Variants in DSC2 observed in about 807,000 individuals in gnomAD.
DSC2 encodes the protein desmocollin 2.
DSC2 carries 51 observed loss-of-function variants against 87.6 expected under a neutral mutation model. The observed-to-expected ratio is 0.58, with a 90% confidence interval of 0.46 to 0.74. DSC2 has a LOEUF of 0.74. Ranked by LOEUF, DSC2 falls within the 30% of genes least tolerant of loss-of-function variation. The pLI, the probability that DSC2 is intolerant of heterozygous loss-of-function variation, is 0.00. For synonymous variants in DSC2, 383 were observed against 393.2 expected (o/e 0.97, Z 0.31); for missense variants, 1,066 against 1,089.5 (o/e 0.98, Z 0.30).
At chr18:31,074,609 T>C in intron 12 of DSC2, 74 bp downstream of exon 12, 3 of 1,402,260 alleles carry the variant, frequency 2.1e-6, no homozygotes, top group East Asian at 2.5e-5. Flanking sequence ...TTTCTCCTAT[T>C]TCATACAAAA....
intron 1 of DSC2, 136 bp from the exon 2 acceptor site, chr18:31,093,779 TA>T: frequency 4.4e-6 from 1 of 228,544 alleles, no homozygotes; most frequent in Non-Finnish European, 7.7e-6. Context: ...ATGTTAATTA[TA>T]TTACATATTG....
chr18:31,076,282 A>G (rs1255656770), intron 11 of DSC2, among the ~76,000 whole-genome samples: 1 of 152,116 alleles, frequency 6.6e-6, no homozygotes, highest in African/African-American at 2.4e-5. Flanking sequence ...CAAGTTAAGA[A>G]CTGGTTCTAA....
At position 31,059,911 on chromosome 18, in the gene DSC2, G is replaced by A. The variant is rs994564199; in HGVS notation, c.*8104C>T. The A allele has an allele frequency of 1.3e-5, 2 of 152,158 alleles. No individual in the cohort carries two copies. The highest frequency in any genetic ancestry group is 1.3e-4 in the Admixed American group (2 of 15,264). 9.4% of individuals were successfully genotyped at this position (152,158 alleles called of 1,614,324 possible). A position where few individuals can be genotyped will look rare whatever the true frequency, so the allele number is the denominator to read the frequency against. On this transcript the variant is annotated 3_prime_UTR_variant, in exon 16 of 16. Coordinates refer to ENST00000280904, the MANE Select transcript of DSC2 (RefSeq NM_024422.6). ...GATATACTGATGAGCCAAGCAGTAA[G>A]CTAGGATCTTTATGTGAATTATATA... is the stretch of plus-strand genomic sequence containing the variant.
chr18:31,071,538 AC>A, intron 13 of DSC2, 66 bp downstream of exon 13: 2 of 1,497,444 alleles, frequency 1.3e-6, no homozygotes, highest in East Asian at 4.5e-5. Context: ...GTCTCAAAAA[AC>A]AAAAAGTGTC....
chr18:31,097,271 G>C (rs1210839049), intron 1 of DSC2, among the ~76,000 whole-genome samples: 1 of 149,128 alleles, frequency 6.7e-6, no homozygotes, highest in Non-Finnish European at 1.5e-5. Flanking sequence ...CTGGGCGACA[G>C]AGCGAGACTC....
At chr18:31,082,868 A>C in intron 8 of DSC2, 58 bp downstream of exon 8, 1 of 1,585,826 alleles carries the variant, frequency 6.3e-7, no homozygotes, top group Non-Finnish European at 8.6e-7. Flanking sequence ...AGAGATGTGC[A>C]TATTAAACAA....
At position 31,080,083 on chromosome 18, in the gene DSC2, G is replaced by C. The variant is rs1330424938; in HGVS notation, c.1520+13C>G. 6.2e-7 allele frequency: 1 copy of C among 1,613,586 alleles called. No individual in the cohort carries two copies. Among genetic ancestry groups the C allele is most frequent in the South Asian group, 1.1e-5 (1 of 91,044 alleles). On this transcript the variant is annotated intron_variant, in intron 10 of 15. Coordinates refer to ENST00000280904, the MANE Select transcript of DSC2 (RefSeq NM_024422.6). ...AGCTATATATTTTAAAACTAAAATA[G>C]AATGGTAAGTACCTTATGCCACTGC...
At chr18:31,085,038 A>G (rs1176893208) in intron 7 of DSC2, among the ~76,000 whole-genome samples, 1 of 152,104 alleles carries the variant, frequency 6.6e-6, no homozygotes, top group African/African-American at 2.4e-5. Flanking sequence ...TTTTAACGTA[A>G]TAAAGTACAA....
At chr18:31,074,625 A>G (rs975764242) in intron 12 of DSC2, 58 bp downstream of exon 12, 1 of 1,498,172 alleles carries the variant, frequency 6.7e-7, no homozygotes, top group East Asian at 2.4e-5. Context: ...CAAAAAAAAA[A>G]AAGTATCGCA....
At position 31,089,464 on chromosome 18, in the gene DSC2, T is replaced by A. The variant is rs1479912040; in HGVS notation, c.605A>T (p.Asp202Val). 6.2e-7 allele frequency: 1 copy of A among 1,613,876 alleles called. No homozygotes were observed. Among genetic ancestry groups the A allele is most frequent in the South Asian group, 1.1e-5 (1 of 91,078 alleles). ...TGNLYCTRPV[D>V]REQYESFEII... ...CTCAAAAGATTCATACTGCTCACGA[T>A]CTACAGGACGAGTACAATACAAGTT... Residue 202 changes from aspartate to valine, a missense_variant, in exon 5 of 16, where the codon GAT becomes GTT. Transcript: ENST00000280904.
chr18:31,094,584 T>C (rs1987706271), intron 1 of DSC2, among the ~76,000 whole-genome samples: 1 of 152,206 alleles, frequency 6.6e-6, no homozygotes, highest in Non-Finnish European at 1.5e-5. Flanking sequence ...TTTACAAACA[T>C]CTTTGACCAA....
chr18:31,070,630 C>G, intron 14 of DSC2, 96 bp downstream of exon 14: 3 of 1,563,366 alleles, frequency 1.9e-6, no homozygotes, highest in Admixed American at 1.7e-5. Flanking sequence ...TTGCCTGATA[C>G]CAAAAGAACT....
rs963630648 is a variant in DSC2, at chr18:31,064,429, T to G, written c.*3586A>C. 1.3e-5 allele frequency: 2 copies of G among 152,110 alleles called. No homozygotes were observed. Among genetic ancestry groups the G allele is most frequent in the Admixed American group, 1.3e-4 (2 of 15,262 alleles). 9.4% of individuals were successfully genotyped at this position (152,110 alleles called of 1,614,324 possible). A position where few individuals can be genotyped will look rare whatever the true frequency, so the allele number is the denominator to read the frequency against. ...AATGACTACAGTACAAACAAAGTATTTAATGAATGAAATTGTGTCTACAAT... is the reference window on the plus strand; with the variant it reads ...AATGACTACAGTACAAACAAAGTATGTAATGAATGAAATTGTGTCTACAAT... On this transcript the variant is annotated 3_prime_UTR_variant, in exon 16 of 16. Transcript: ENST00000280904.
chr18:31,070,622 G>T, intron 14 of DSC2, 104 bp downstream of exon 14: 2 of 1,494,188 alleles, frequency 1.3e-6, no homozygotes, highest in Non-Finnish European at 1.8e-6. Flanking sequence ...ATGGTAAATT[G>T]CCTGATACCA....
Position 31,070,830 on chromosome 18 carries a change from A to G in DSC2, c.2146T>C (p.Cys716Arg). The G allele has an allele frequency of 6.2e-7, 1 of 1,613,918 alleles. No homozygotes were observed. Residue 716 changes from cysteine (C) to arginine (R), a missense_variant, in exon 14 of 16, where the codon TGT becomes CGT. Coordinates refer to ENST00000280904, the MANE Select transcript of DSC2 (RefSeq NM_024422.6). ...LLFCILFTLV[C>R]GASGTSKQPK... Reference sequence around the variant, plus strand: ...TGTTTAGACGTCCCAGAAGCCCCACAGACCAGCGTAAACAGGATGCCTGGA... The same window carrying G: ...TGTTTAGACGTCCCAGAAGCCCCACGGACCAGCGTAAACAGGATGCCTGGA...
At chr18:31,094,132 T>C (rs1187947817) in intron 1 of DSC2, among the ~76,000 whole-genome samples, 1 of 152,110 alleles carries the variant, frequency 6.6e-6, no homozygotes, top group Non-Finnish European at 1.5e-5. Flanking sequence ...GGGAGAGTGC[T>C]GAAAACTATC....
At chr18:31,093,222 T>G (rs1468102823) in intron 2 of DSC2, among the ~76,000 whole-genome samples, 1 of 152,222 alleles carries the variant, frequency 6.6e-6, no homozygotes, top group Non-Finnish European at 1.5e-5. Flanking sequence ...GTTGGTTTGC[T>G]GCACCTATCA....
chr18:31,076,550 T>C (rs1209205776), intron 11 of DSC2, among the ~76,000 whole-genome samples: 2 of 152,036 alleles, frequency 1.3e-5, no homozygotes, highest in African/African-American at 2.4e-5. Context: ...TTCAAAGACA[T>C]AAAGAGGGGT....
chr18:31,083,691 G>A (rs1171873106), intron 7 of DSC2, among the ~76,000 whole-genome samples: 4 of 152,106 alleles, frequency 2.6e-5, no homozygotes, highest in African/African-American at 7.2e-5. Flanking sequence ...TAAAGGTCTG[G>A]GGCTATGTAG....
Sources: gnomAD v4.1 joint callset for allele counts (sites outside exome capture counted in the v4.1 genomes callset) on GRCh38, gnomAD v4.1.1 for gene constraint, MANE v1.5 for transcripts, NCBI Gene and HGNC (gene_info 2026-07-23, HGNC 2026-07-21) for gene names.